MYH3: variants seen among roughly 807,000 people sequenced by gnomAD.
MYH3 encodes myosin heavy chain 3.
In MYH3, 130 loss-of-function variants were observed where a neutral mutation model predicts 238.0. The ratio of observed to expected loss-of-function variants is 0.55; its 90% CI spans 0.47 to 0.63. The LOEUF is 0.63. Among genes scored for constraint, MYH3 ranks in the 30% least tolerant of loss-of-function variants. The pLI, the probability that MYH3 is intolerant of heterozygous loss-of-function variation, is 0.00. For missense variants in MYH3, 1,853 were observed against 2,374.9 expected, an observed-to-expected ratio of 0.78 and a Z score of 4.57; for synonymous variants, 880 against 924.1, an observed-to-expected ratio of 0.95 and a Z score of 0.86.
chr17:10,630,563 G>A (rs1029322369), intron 36 of MYH3, 105 bp from the exon 37 acceptor site: 15 of 1,540,480 alleles, frequency 9.7e-6, no homozygotes, highest in Admixed American at 3.4e-5. Flanking sequence ...TAAAGAAAAA[G>A]GACAGGCCAG....
Position 10,645,975 on chromosome 17 carries a change from A to G in MYH3, c.956T>C (p.Ile319Thr). 6.2e-7 allele frequency: 1 copy of G among 1,613,928 alleles called. No homozygotes were observed. The highest frequency in any genetic ancestry group is 1.1e-5 in the South Asian group (1 of 91,068). ...YDYPFISQGE[I>T]LVASIDDAEE... is the part of the protein sequence containing the mutation. ...TGCATCATCTATGCTGGCCACCAGGATCTCCCCCTGGCTAATGAACGGGTA... is the reference window on the plus strand; with the variant it reads ...TGCATCATCTATGCTGGCCACCAGGGTCTCCCCCTGGCTAATGAACGGGTA... The change falls in exon 11 of 41, where the codon ATC becomes ACC. Residue 319 changes from isoleucine to threonine, a missense_variant. By Grantham distance (89) the Ile-to-Thr change is moderately conservative. Coordinates refer to ENST00000583535, the MANE Select transcript of MYH3 (RefSeq NM_002470.4).
At position 10,652,563 on chromosome 17, in the gene MYH3, T is replaced by C; in HGVS notation, c.205A>G (p.Thr69Ala). The C allele has an allele frequency of 1.3e-6, 2 of 1,579,758 alleles. No homozygotes were observed. Among genetic ancestry groups the C allele is most frequent in the South Asian group, 2.2e-5 (2 of 90,520 alleles). Reference protein sequence around the residue: ...KVTVETEDNRTLVVKPEDVYA... With the variant: ...KVTVETEDNRALVVKPEDVYA... The stretch of plus-strand genomic sequence containing the variant: ...ACATCCTCTGGTTTGACCACCAGGG[T>C]CTAAAAAGGAAGAGGCACAGTGCTT... The change falls in exon 4 of 41, where the codon ACC becomes GCC. Residue 69 changes from threonine to alanine, a missense_variant and splice_region_variant. Coordinates refer to ENST00000583535, the MANE Select transcript of MYH3 (RefSeq NM_002470.4).
chr17:10,656,544 A>AT (rs113757445), intron 1 of MYH3, among the ~76,000 whole-genome samples: 86,112 of 143,662 alleles, frequency 0.6, 28,071 homozygotes, highest in Non-Finnish European at 0.74. Flanking sequence ...TCTCAAAAAA[A>AT]AAAAAAAAAA....
intron 36 of MYH3, 125 bp from the exon 37 acceptor site, chr17:10,630,583 C>T (rs2074146190): frequency 2.1e-6 from 3 of 1,424,462 alleles, no homozygotes; most frequent in Non-Finnish European, 2.9e-6. Context: ...GGCGCGGTGG[C>T]TCACGTCTGT....
At position 10,632,632 on chromosome 17, in the gene MYH3, G is replaced by A. The variant is rs551564834; in HGVS notation, c.4800C>T (p.Ser1600=). 17 of 1,614,102 alleles carry A rather than the reference G, an allele frequency of 1.1e-5. No individual in the cohort carries two copies. In the East Asian group the frequency reaches 1.8e-4, roughly 17 times the overall value. ...TGCTCCGCACCTCGGCGTCCAGGGCGCTCTGCATGGTTTCCACTGTTCTCT... is the reference window on the plus strand; with the variant it reads ...TGCTCCGCACCTCGGCGTCCAGGGCACTCTGCATGGTTTCCACTGTTCTCT... ...NYQRTVETMQ[S]ALDAEVRSRN... Residue 1600 remains serine, a synonymous_variant, in exon 34 of 41, where the codon AGC becomes AGT. Transcript: ENST00000583535.
At position 10,635,837 on chromosome 17, in the gene MYH3, C is replaced by G; in HGVS notation, c.3873G>C (p.Gln1291His). The change falls in exon 29 of 41, where the codon CAG becomes CAC. Residue 1291 changes from glutamine to histidine, a missense_variant. By Grantham distance (24) the Gln-to-His change is conservative (BLOSUM62 0). Coordinates refer to ENST00000583535, the MANE Select transcript of MYH3 (RefSeq NM_002470.4). ...LQTEAGELSR[Q>H]LEEKESIVSQ... The stretch of plus-strand genomic sequence containing the variant: ...ATACTATGCTTTCTTTTTCTTCCAG[C>G]TGACGACTCAGCTCACCTGTGTCCA... The G allele has an allele frequency of 3.7e-6, 6 of 1,614,058 alleles. No homozygotes were observed. The highest frequency in any genetic ancestry group is 5.1e-6 in the Non-Finnish European group (6 of 1,179,912).
chr17:10,652,822 C>T (rs1481895809), intron 3 of MYH3, among the ~76,000 whole-genome samples: 12 of 151,640 alleles, frequency 7.9e-5, no homozygotes, highest in Admixed American at 2.0e-4. Flanking sequence ...GGGGTTTCAC[C>T]GTGTTAGCCA....
intron 14 of MYH3, among the ~76,000 whole-genome samples, chr17:10,643,638 T>A (rs1325719253): frequency 6.6e-6 from 1 of 152,266 alleles, no homozygotes; most frequent in East Asian, 1.9e-4. Flanking sequence ...CCTCCCAAAG[T>A]GCTGGGATTA....
intron 34 of MYH3, 112 bp downstream of exon 34, chr17:10,632,364 T>C: frequency 8.0e-7 from 1 of 1,244,572 alleles, no homozygotes. Context: ...AGTGAGCCTC[T>C]TGCCTCAGTC....
At chr17:10,647,477 G>T (rs377208811) in intron 8 of MYH3, 51 bp from the exon 9 acceptor site, 5 of 1,583,876 alleles carry the variant, frequency 3.2e-6, no homozygotes, top group Middle Eastern at 1.7e-4. Context: ...TGGCCCAATA[G>T]TTCCTATTCA....
In MYH3 at chr17:10,639,577, G is replaced by C. The variant is rs960843773; in HGVS notation, c.2908C>G (p.His970Asp). 3 of 1,614,002 alleles carry C rather than the reference G, an allele frequency of 1.9e-6. No homozygotes were observed. Among genetic ancestry groups the C allele is most frequent in the Non-Finnish European group, 2.5e-6 (3 of 1,180,024 alleles). Residue 970 changes from histidine (H) to aspartate (D), a missense_variant, in exon 23 of 41, where the codon CAT becomes GAT. Physicochemically the swap from His to Asp is moderately conservative, Grantham distance 81 (BLOSUM62 -1). Coordinates refer to ENST00000583535, the MANE Select transcript of MYH3 (RefSeq NM_002470.4). Reference sequence around the variant, plus strand: ...AAGAATACCTTGTTCTCTGTGGCATGCTTCTCCTTCTCAACCTTGGCCAGG... The same window carrying C: ...AAGAATACCTTGTTCTCTGTGGCATCCTTCTCCTTCTCAACCTTGGCCAGG... Reference protein sequence around the residue: ...LTLAKVEKEKHATENKVKNLT... With the variant: ...LTLAKVEKEKDATENKVKNLT...
At position 10,631,604 on chromosome 17, in the gene MYH3, G is replaced by A. The variant is rs369350795; in HGVS notation, c.5286+7C>T. The A allele has an allele frequency of 1.7e-5, 28 of 1,613,984 alleles. No homozygotes were observed. Among genetic ancestry groups the A allele is most frequent in the South Asian group, 2.2e-5 (2 of 91,078 alleles). On this transcript the variant is annotated splice_region_variant and intron_variant, in intron 36 of 40. Coordinates refer to ENST00000583535, the MANE Select transcript of MYH3 (RefSeq NM_002470.4). ...AGCCCGAGGGCAGCAGGAAGGAGAC[G>A]CCTTACGTCCGTGATGGCCTTCTTG...
Position 10,654,885 on chromosome 17 carries a change from G to A in MYH3, c.180C>T (p.Val60=), listed in dbSNP as rs762403769. 15 of 1,614,010 alleles carry A rather than the reference G, an allele frequency of 9.3e-6. No homozygotes were observed. The highest frequency in any genetic ancestry group is 1.2e-5 in the Non-Finnish European group (14 of 1,180,042). Residue 60 remains valine (V), a synonymous_variant, in exon 3 of 41, where the codon GTC becomes GTT. Transcript: ENST00000583535. The surrounding 1 kb of genome is among the most constrained non-coding windows in gnomAD (Gnocchi z 4.5). The part of the protein sequence containing the change: ...GKIKSSQDGK[V]TVETEDNRTL... ...CCCTGTTGTCCTCAGTTTCCACAGT[G>A]ACCTTCCCATCCTGAGAACTCTTGA...
chr17:10,629,449 G>A (rs2074129252), intron 40 of MYH3, 148 bp downstream of exon 40: 5 of 938,030 alleles, frequency 5.3e-6, no homozygotes, highest in South Asian at 4.9e-5. Flanking sequence ...ATTCTAGCGA[G>A]GGTCCAGTCA....
intron 5 of MYH3, among the ~76,000 whole-genome samples, 193 bp downstream of exon 5, chr17:10,651,319 T>C (rs978970545): frequency 6.6e-6 from 1 of 152,228 alleles, no homozygotes; most frequent in African/African-American, 2.4e-5. Context: ...TAACTTGCAT[T>C]AAATCCAAAA....
intron 17 of MYH3, 134 bp from the exon 18 acceptor site, chr17:10,641,506 GTC>G: frequency 3.2e-5 from 2 of 62,872 alleles, no homozygotes; most frequent in Middle Eastern, 4.3e-3. Context: ...ATTTAACTCT[GTC>G]TTTTTTTTTT....
At chr17:10,675,053 T>C in the MYH3 span, 2 of 152,236 alleles carry the variant, frequency 1.3e-5, 1 homozygote, top group African/African-American at 4.8e-5. Context: ...GCCCTAGAAG[T>C]CTCTAAAAGC....
chr17:10,651,348 G>A (rs911887705), intron 5 of MYH3, among the ~76,000 whole-genome samples, 164 bp downstream of exon 5: 3 of 152,082 alleles, frequency 2.0e-5, no homozygotes. Context: ...CTTGGCATGC[G>A]GGGCCCTACA....
chr17:10,635,055 T>C, intron 30 of MYH3, 32 bp from the exon 31 acceptor site: 3 of 1,604,436 alleles, frequency 1.9e-6, no homozygotes. Flanking sequence ...GCAGCTGTTA[T>C]TTCAGTTTCC....
Sources: allele counts gnomAD v4.1 joint callset (sites outside exome capture counted in the v4.1 genomes callset), GRCh38; gene constraint gnomAD v4.1.1; non-coding constraint Gnocchi (gnomAD v3.1); transcripts MANE v1.5; gene names NCBI Gene and HGNC (gene_info 2026-07-23, HGNC 2026-07-21).